ITGB4: variants seen among roughly 807,000 people sequenced by gnomAD.
ITGB4 encodes the protein integrin beta-4.
Under a neutral mutation model 207.6 loss-of-function variants are expected in ITGB4, and 159 were observed. The observed-to-expected ratio is 0.77, with a 90% CI of 0.67 to 0.87. The LOEUF (loss-of-function observed/expected upper bound fraction) is 0.87, where lower values mean the gene tolerates loss of function less well. ITGB4 is among the 40% of genes least tolerant of loss of function. The probability of loss-of-function intolerance (pLI) is 0.00; values close to 1 mark genes in which losing one functional copy is unlikely to be tolerated. For missense variants in ITGB4, 2,278 were observed against 2,546.8 expected (o/e 0.89, Z 2.27); for synonymous variants, 1,020 against 1,062.7 (o/e 0.96, Z 0.78).
chr17:75,736,562 A>C lies in ITGB4; in HGVS notation c.1861-3A>C, dbSNP rs1270022013. 1 of 1,597,384 alleles carries C rather than the reference A, an allele frequency of 6.3e-7. No homozygotes were observed. The highest frequency in any genetic ancestry group is 1.1e-5 in the South Asian group (1 of 88,562). The stretch of plus-strand genomic sequence containing the variant: ...CCTGTCTGCCCCGCCTTTCCCCGCC[A>C]AGATCCACCCGGGCCTCTGCGAGGA... On this transcript the variant is annotated splice_region_variant and splice_polypyrimidine_tract_variant and intron_variant, in intron 15 of 39. Transcript: ENST00000200181.
At chr17:75,728,710 C>T (rs1019680725) in intron 6 of ITGB4, among the ~76,000 whole-genome samples, 5 of 152,168 alleles carry the variant, frequency 3.3e-5, no homozygotes, top group South Asian at 2.1e-4. Flanking sequence ...ATTGGCTGGG[C>T]GCGGTGGTTC....
intron 2 of ITGB4, among the ~76,000 whole-genome samples, chr17:75,726,759 C>T (rs1446711948): frequency 6.7e-6 from 1 of 150,106 alleles, no homozygotes; most frequent in Admixed American, 6.7e-5. Context: ...AATAAAAATA[C>T]AACAACAACA....
At chr17:75,728,931 C>T (rs1357821853) in intron 6 of ITGB4, among the ~76,000 whole-genome samples, 3 of 150,562 alleles carry the variant, frequency 2.0e-5, no homozygotes, top group East Asian at 1.9e-4. Flanking sequence ...TTGCAATGAG[C>T]CAGGATTGCG....
intron 26 of ITGB4, 83 bp downstream of exon 26, chr17:75,743,944 T>A: frequency 3.5e-6 from 5 of 1,419,014 alleles, no homozygotes; most frequent in Non-Finnish European, 4.8e-6. Context: ...AAGCAGCACA[T>A]GGCAGCTGCT....
At chr17:75,755,331 C>T (rs1180917905) in intron 34 of ITGB4, 7 of 1,119,770 alleles carry the variant, frequency 6.3e-6, no homozygotes, top group Admixed American at 2.5e-5. Flanking sequence ...ACAGGACCCC[C>T]GCCTGCCCAC....
chr17:75,747,214 C>T (rs968682604), intron 26 of ITGB4, among the ~76,000 whole-genome samples: 5 of 152,136 alleles, frequency 3.3e-5, no homozygotes, highest in Admixed American at 6.5e-5. Flanking sequence ...CGTGGTGGCT[C>T]ACACCTGTAA....
chr17:75,731,051 G>A lies in ITGB4; in HGVS notation c.1092+87G>A, dbSNP rs567427699. ...GTGGGCAAGAGGTGTCTTGGATCAC[G>A]GTGGAGAAATGGGTCTGGGACAGAC... On this transcript the variant is annotated intron_variant, in intron 9 of 39. Coordinates refer to ENST00000200181, the MANE Select transcript of ITGB4 (RefSeq NM_000213.5). The surrounding 1 kb of genome is among the most constrained non-coding windows in gnomAD (Gnocchi z 6.8). 314 of 1,443,014 alleles carry A rather than the reference G, an allele frequency of 2.2e-4. No homozygotes were observed. Among genetic ancestry groups the A allele is most frequent in the Non-Finnish European group, 2.5e-4 (261 of 1,029,894 alleles). The allele number at this position is 1,443,014 out of a possible 1,614,324, so 89.4% of individuals were successfully genotyped here.
intron 1 of ITGB4, 47 bp from the exon 2 acceptor site, chr17:75,724,647 G>T: frequency 7.2e-7 from 1 of 1,384,660 alleles, no homozygotes; most frequent in South Asian, 1.2e-5. Context: ...TGACGGCACC[G>T]ACCATGGCTG....
In ITGB4 at chr17:75,731,861, A is replaced by C; in HGVS notation, c.1265A>C (p.His422Pro). 1 of 1,613,226 alleles carries C rather than the reference A, an allele frequency of 6.2e-7. No individual in the cohort carries two copies. Among genetic ancestry groups the C allele is most frequent in the South Asian group, 1.1e-5 (1 of 90,914 alleles). Residue 422 changes from histidine to proline, a missense_variant, in exon 11 of 40, where the codon CAC becomes CCC. Coordinates refer to ENST00000200181, the MANE Select transcript of ITGB4 (RefSeq NM_000213.5). This position sits in a 1 kb window ranked among gnomAD's most constrained non-coding sequence, Gnocchi z 6.8. ...GCCCTTGAGCACGTGGATGGGACGC[A>C]CGTGTGCCAGCTGCCGGAGGACCAG... ...LRALEHVDGT[H>P]VCQLPEDQKG...
chr17:75,731,517 G>T lies in ITGB4; in HGVS notation c.1215+149G>T. The T allele has an allele frequency of 1.1e-6, 1 of 880,530 alleles. No homozygotes were observed. Among genetic ancestry groups the T allele is most frequent in the Non-Finnish European group, 1.7e-6 (1 of 581,896 alleles). 54.5% of individuals were successfully genotyped at this position (880,530 alleles called of 1,614,324 possible). ...GGGCCTAGCCGCTCGGATGAGCCTA[G>T]GTTGCTCCTCTGCTTGTTGGTTTCC... On this transcript the variant is annotated intron_variant, in intron 10 of 39. Coordinates refer to ENST00000200181, the MANE Select transcript of ITGB4 (RefSeq NM_000213.5). The surrounding 1 kb of genome is among the most constrained non-coding windows in gnomAD (Gnocchi z 6.8).
chr17:75,732,352 G>A lies in ITGB4; in HGVS notation c.1454+113G>A. ...ACCTTGTACACCTGGCTGGGGGTGG[G>A]GCGGCAATCAAAGAAACGGCTAAGG... is the stretch of plus-strand genomic sequence containing the variant. On this transcript the variant is annotated intron_variant, in intron 12 of 39. Transcript: ENST00000200181. This position sits in a 1 kb window ranked among gnomAD's most constrained non-coding sequence, Gnocchi z 5.3. 3 of 1,059,068 alleles carry A rather than the reference G, an allele frequency of 2.8e-6. No homozygotes were observed. The South Asian group carries it at 3.8e-5, about 14-fold the overall frequency. 65.6% of individuals were successfully genotyped at this position (1,059,068 alleles called of 1,614,324 possible). A position where few individuals can be genotyped will look rare whatever the true frequency, so the allele number is the denominator to read the frequency against.
intron 14 of ITGB4, 25 bp downstream of exon 14, chr17:75,736,179 G>A (rs772085685): frequency 1.3e-6 from 2 of 1,599,264 alleles, no homozygotes; most frequent in African/African-American, 1.3e-5. Context: ...AAGACAGACA[G>A]TGTCTGTCAG....
chr17:75,730,392 C>T lies in ITGB4; in HGVS notation c.890C>T (p.Thr297Ile), dbSNP rs1173695914. ...CACCTGGACACCACGGGCACCTACA[C>T]CCAGTACAGGACACAGGACTACCCG... ...RCHLDTTGTY[T>I]QYRTQDYPSV... Residue 297 changes from threonine to isoleucine, a missense_variant, in exon 8 of 40, where the codon ACC becomes ATC. Physicochemically the swap from Thr to Ile is moderately conservative, Grantham distance 89. Coordinates refer to ENST00000200181, the MANE Select transcript of ITGB4 (RefSeq NM_000213.5). The T allele has an allele frequency of 1.2e-6, 2 of 1,614,032 alleles. No homozygotes were observed. Among genetic ancestry groups the T allele is most frequent in the Admixed American group, 1.7e-5 (1 of 60,034 alleles).
At position 75,739,046 on chromosome 17, in the gene ITGB4, A is replaced by G. The variant is rs2061046726; in HGVS notation, c.2221-626A>G. On this transcript the variant is annotated intron_variant, in intron 18 of 39. Coordinates refer to ENST00000200181, the MANE Select transcript of ITGB4 (RefSeq NM_000213.5). The surrounding 1 kb of genome is among the most constrained non-coding windows in gnomAD (Gnocchi z 5.4). ...TACAGTGGCTCACACTTGTAACCCC[A>G]GCACTTTGGGAGGCCAAGGCGGGTG... Among the ~76,000 whole-genome samples the G allele has an allele frequency of 6.6e-6, 1 of 152,136 alleles. No homozygotes were observed. Among genetic ancestry groups the G allele is most frequent in the African/African-American group, 2.4e-5 (1 of 41,418 alleles).
At position 75,750,961 on chromosome 17, in the gene ITGB4, C is replaced by T. The variant is rs781286233; in HGVS notation, c.3656-13C>T. On this transcript the variant is annotated splice_polypyrimidine_tract_variant and intron_variant, in intron 29 of 39. Transcript: ENST00000200181. This position sits in a 1 kb window ranked among gnomAD's most constrained non-coding sequence, Gnocchi z 5.5. The stretch of plus-strand genomic sequence containing the variant: ...CCACTGACAGCACTCTTCCTGTATT[C>T]CCCGCTCCCTAGTGCCCAGCGAGCC... 3.1e-6 allele frequency: 5 copies of T among 1,613,522 alleles called. No homozygotes were observed. In the African/African-American group the frequency reaches 6.7e-5, roughly 22 times the overall value.
rs182918269 is a variant in ITGB4, at chr17:75,730,740, G to A, written c.1003-135G>A. The A allele has an allele frequency of 9.8e-6, 10 of 1,021,234 alleles. No homozygotes were observed. The East Asian group carries it at 2.4e-4, about 24-fold the overall frequency. 63.3% of individuals were successfully genotyped at this position (1,021,234 alleles called of 1,614,324 possible). A position where few individuals can be genotyped will look rare whatever the true frequency, so the allele number is the denominator to read the frequency against. ...CCACCCCAACTCCCAAGCAGGTGGG[G>A]GCTAAGAGGGCAGGCTCTGCGACAC... On this transcript the variant is annotated intron_variant, in intron 8 of 39. Transcript: ENST00000200181.
rs984798570 is a variant in ITGB4 at position 75,732,312 on chromosome 17, C to T, written c.1454+73C>T. 10 of 1,462,728 alleles carry T rather than the reference C, an allele frequency of 6.8e-6. No individual in the cohort carries two copies. The Admixed American group carries it at 1.5e-4, about 22-fold the overall frequency. The allele number at this position is 1,462,728 out of a possible 1,614,324, so 90.6% of individuals were successfully genotyped here. A position where few individuals can be genotyped will look rare whatever the true frequency, so the allele number is the denominator to read the frequency against. On this transcript the variant is annotated intron_variant, in intron 12 of 39. Coordinates refer to ENST00000200181, the MANE Select transcript of ITGB4 (RefSeq NM_000213.5). This position sits in a 1 kb window ranked among gnomAD's most constrained non-coding sequence, Gnocchi z 5.3. Reference sequence around the variant, plus strand: ...TGGGAAAGCTGGGCTCCTGCAGGGGCCTGGCCCTGGGTGCACCTTGTACAC... The same window carrying T: ...TGGGAAAGCTGGGCTCCTGCAGGGGTCTGGCCCTGGGTGCACCTTGTACAC...
At chr17:75,755,101 C>T in intron 34 of ITGB4, 2 of 1,605,524 alleles carry the variant, frequency 1.2e-6, no homozygotes, top group Non-Finnish European at 8.5e-7. Flanking sequence ...TTCCGCTGTC[C>T]TGGGCCCTGG....
In ITGB4 at chr17:75,748,825, C is replaced by G; in HGVS notation, c.3112-16C>G. On this transcript the variant is annotated splice_polypyrimidine_tract_variant and intron_variant, in intron 26 of 39. Coordinates refer to ENST00000200181, the MANE Select transcript of ITGB4 (RefSeq NM_000213.5). Reference sequence around the variant, plus strand: ...CCCCCAGCCATGACCCTGACCCTGACCCCCTCCACTCCCAGGACTACATCC... The same window carrying G: ...CCCCCAGCCATGACCCTGACCCTGAGCCCCTCCACTCCCAGGACTACATCC... 6.3e-7 allele frequency: 1 copy of G among 1,591,922 alleles called. No individual in the cohort carries two copies. Among genetic ancestry groups the G allele is most frequent in the East Asian group, 2.3e-5 (1 of 44,240 alleles).
Sources: allele counts gnomAD v4.1 joint callset (sites outside exome capture counted in the v4.1 genomes callset), GRCh38; gene constraint gnomAD v4.1.1; non-coding constraint Gnocchi (gnomAD v3.1); transcripts MANE v1.5; gene names NCBI Gene and HGNC (gene_info 2026-07-23, HGNC 2026-07-21).